Variants in PPP2R5E observed in about 807,000 individuals in gnomAD.
The protein encoded by PPP2R5E is serine/threonine-protein phosphatase 2A 56 kDa regulatory subunit epsilon isoform.
Under a neutral mutation model 65.3 loss-of-function variants are expected in PPP2R5E, and 4 were observed. That is an observed-to-expected ratio of 0.06 (90% CI 0.03 to 0.14). The LOEUF (loss-of-function observed/expected upper bound fraction) is 0.14. Ranked by LOEUF, PPP2R5E falls within the 10% of genes least tolerant of loss-of-function variation. The pLI is 1.00. For synonymous variants in PPP2R5E, 183 were observed against 187.4 expected (o/e 0.98, Z 0.19); for missense variants, 274 against 556.1 (o/e 0.49, Z 5.10).
At chr14:63,530,380 G>A (rs1028264122) in intron 2 of PPP2R5E, among the ~76,000 whole-genome samples, 4 of 151,564 alleles carry the variant, frequency 2.6e-5, no homozygotes, top group South Asian at 2.1e-4. Context: ...CTACAGGCGC[G>A]TGCCACCATG....
chr14:63,440,094 C>T (rs570681785), intron 3 of PPP2R5E, among the ~76,000 whole-genome samples: 5 of 152,138 alleles, frequency 3.3e-5, no homozygotes, highest in Non-Finnish European at 5.9e-5. Flanking sequence ...GGAGCACCAA[C>T]GGGCAGAGGA....
intron 2 of PPP2R5E, among the ~76,000 whole-genome samples, chr14:63,468,019 T>TA (rs1889924863): frequency 6.6e-6 from 1 of 152,322 alleles, no homozygotes; most frequent in South Asian, 2.1e-4. Flanking sequence ...ACTTAAGAAT[T>TA]AAGTGAGTAC....
At chr14:63,526,230 G>C (rs1893178781) in intron 2 of PPP2R5E, among the ~76,000 whole-genome samples, 1 of 152,168 alleles carries the variant, frequency 6.6e-6, no homozygotes, top group South Asian at 2.1e-4. Flanking sequence ...CAAAGAGAAA[G>C]TTCTCTCTTT....
intron 2 of PPP2R5E, among the ~76,000 whole-genome samples, chr14:63,474,594 GC>G (rs1890304052): frequency 7.0e-6 from 1 of 143,720 alleles, no homozygotes; most frequent in African/African-American, 2.6e-5. Context: ...GATGGCTTGA[GC>G]CCAGGGAGGT....
At position 63,529,266 on chromosome 14, in the gene PPP2R5E, AT is replaced by A. The variant is rs944143564; in HGVS notation, c.157+10262del. On this transcript the variant is annotated intron_variant, in intron 2 of 13. Coordinates refer to ENST00000337537, the MANE Select transcript of PPP2R5E (RefSeq NM_006246.5). Reference sequence around the variant, plus strand: ...GAGCCACCTTGCCTAGCCAAAGACTATTTTTTTTTCTTTTCTTTTTGAGATA... The same window carrying A: ...GAGCCACCTTGCCTAGCCAAAGACTATTTTTTTTCTTTTCTTTTTGAGATA... 4.8e-5 allele frequency among the ~76,000 whole-genome samples: 7 copies of A among 146,274 alleles called. No homozygotes were observed. The South Asian group carries it at 6.6e-4, about 14-fold the overall frequency.
At chr14:63,415,037 T>C (rs1365376797) in intron 5 of PPP2R5E, 103 bp downstream of exon 5, 1 of 646,270 alleles carries the variant, frequency 1.5e-6, no homozygotes, top group African/African-American at 1.9e-5. Flanking sequence ...ATTTTGTGGG[T>C]GATATAACTG....
chr14:63,425,745 T>A (rs933092975), intron 3 of PPP2R5E, among the ~76,000 whole-genome samples: 2 of 152,258 alleles, frequency 1.3e-5, no homozygotes, highest in African/African-American at 4.8e-5. Flanking sequence ...TTGGATATAT[T>A]AATAAAGCTG....
At chr14:63,421,968 T>C (rs944751431) in intron 4 of PPP2R5E, 25 bp downstream of exon 4, 2 of 1,554,396 alleles carry the variant, frequency 1.3e-6, no homozygotes, top group African/African-American at 2.7e-5. Flanking sequence ...AGTTTTCTTT[T>C]ATAACAAATG....
At chr14:63,485,196 T>TAAAA (rs200719135) in intron 2 of PPP2R5E, among the ~76,000 whole-genome samples, 3 of 126,370 alleles carry the variant, frequency 2.4e-5, no homozygotes, top group Non-Finnish European at 5.1e-5. Context: ...TATACTCATT[T>TAAAA]AAAAAAAAAA....
At chr14:63,483,743 G>C (rs1890828549) in intron 2 of PPP2R5E, among the ~76,000 whole-genome samples, 1 of 152,134 alleles carries the variant, frequency 6.6e-6, no homozygotes, top group Admixed American at 6.5e-5. Context: ...TAGGAAGAAA[G>C]GAAAGAGCAG....
At chr14:63,411,187 C>G (rs1886369375) in intron 5 of PPP2R5E, among the ~76,000 whole-genome samples, 1 of 152,138 alleles carries the variant, frequency 6.6e-6, no homozygotes, top group African/African-American at 2.4e-5. Context: ...GCTATAAACA[C>G]AGAGTCCTGG....
intron 3 of PPP2R5E, among the ~76,000 whole-genome samples, chr14:63,424,443 G>C (rs1887215851): frequency 6.6e-6 from 1 of 152,078 alleles, no homozygotes; most frequent in Non-Finnish European, 1.5e-5. Flanking sequence ...CCTTGGAAAG[G>C]AGTAAACAAA....
At chr14:63,491,594 T>C (rs2139634843) in intron 2 of PPP2R5E, among the ~76,000 whole-genome samples, 2 of 152,306 alleles carry the variant, frequency 1.3e-5, no homozygotes, top group African/African-American at 4.8e-5. Flanking sequence ...ATGCCTATAA[T>C]GGCAACACTT....
intron 2 of PPP2R5E, among the ~76,000 whole-genome samples, chr14:63,515,660 A>G (rs1319525788): frequency 2.6e-5 from 4 of 151,614 alleles, no homozygotes; most frequent in Non-Finnish European, 5.9e-5. Flanking sequence ...AGCTGGGATT[A>G]CAGGTGCCTG....
At chr14:63,378,473 C>G (rs1008755741) in intron 13 of PPP2R5E, among the ~76,000 whole-genome samples, 7 of 152,162 alleles carry the variant, frequency 4.6e-5, no homozygotes, top group African/African-American at 1.4e-4. Context: ...CATTCATCAT[C>G]TTGTTACTAA....
intron 5 of PPP2R5E, among the ~76,000 whole-genome samples, chr14:63,413,991 C>T (rs918182382): frequency 6.6e-6 from 1 of 152,196 alleles, no homozygotes; most frequent in Non-Finnish European, 1.5e-5. Flanking sequence ...CTCCTTTCAG[C>T]TCTGAGCTGA....
chr14:63,524,483 G>A (rs545822662), intron 2 of PPP2R5E, among the ~76,000 whole-genome samples: 34 of 152,312 alleles, frequency 2.2e-4, no homozygotes, highest in African/African-American at 7.5e-4. Context: ...AAGTTCCAAA[G>A]ACGTTTAAAT....
intron 2 of PPP2R5E, among the ~76,000 whole-genome samples, chr14:63,488,325 A>C (rs922163052): frequency 1.3e-5 from 2 of 151,894 alleles, no homozygotes; most frequent in African/African-American, 4.8e-5. Flanking sequence ...AGCCTCCCAA[A>C]TAGCTAAGAC....
chr14:63,425,967 C>G (rs1409061355), intron 3 of PPP2R5E, among the ~76,000 whole-genome samples: 1 of 152,208 alleles, frequency 6.6e-6, no homozygotes, highest in Admixed American at 6.5e-5. Flanking sequence ...CATTTAGCTA[C>G]ACACTGTCAT....
Sources: allele counts gnomAD v4.1 joint callset (sites outside exome capture counted in the v4.1 genomes callset), GRCh38; gene constraint gnomAD v4.1.1; transcripts MANE v1.5; gene names NCBI Gene and HGNC (gene_info 2026-07-23, HGNC 2026-07-21).